TAPBPL: variants seen among roughly 807,000 people sequenced by gnomAD.
TAPBPL encodes tapasin-related protein.
In TAPBPL, 32 loss-of-function variants were observed where a neutral mutation model predicts 44.8. The ratio of observed to expected loss-of-function variants is 0.71; its 90% CI spans 0.54 to 0.96. The LOEUF is 0.96. Among genes scored for constraint, TAPBPL ranks in the 40% least tolerant of loss-of-function variants. The pLI is 0.00. For synonymous variants in TAPBPL, 230 were observed against 240.7 expected (o/e 0.96, Z 0.41); for missense variants, 520 against 586.6 (o/e 0.89, Z 1.17).
At chr12:6,463,367 G>T, downstream of TAPBPL, 1 of 1,094,690 alleles carries the variant, frequency 9.1e-7, no homozygotes, top group Non-Finnish European at 1.1e-6. This position sits in a 1 kb window ranked among gnomAD's most constrained non-coding sequence, Gnocchi z 4.0. Context: ...TCTGCATCCT[G>T]AGGATCGGCC....
At chr12:6,459,577 T>A (rs569911472) in intron 5 of TAPBPL, among the ~76,000 whole-genome samples, 56 of 152,298 alleles carry the variant, frequency 3.7e-4, no homozygotes, top group African/African-American at 1.3e-3. Flanking sequence ...TCAATGAATT[T>A]GCCCAAGGTC....
chr12:6,457,604 T>C lies in TAPBPL; in HGVS notation c.764T>C (p.Leu255Pro), dbSNP rs1335321341. 2 of 1,614,192 alleles carry C rather than the reference T, an allele frequency of 1.2e-6. No individual in the cohort carries two copies. Among genetic ancestry groups the C allele is most frequent in the South Asian group, 1.1e-5 (1 of 91,084 alleles). The part of the protein sequence containing the change: ...QGQAVRKGAT[L>P]EPAQLGMARD... The stretch of plus-strand genomic sequence containing the variant: ...CAGGCTGTGCGGAAGGGCGCTACCC[T>C]GGAGCCTGCACAACTGGGCATGGCC... The change falls in exon 4 of 7, where the codon CTG becomes CCG. Residue 255 changes from leucine (L) to proline (P), a missense_variant. Physicochemically the swap from Leu to Pro is moderately conservative, Grantham distance 98 (BLOSUM62 -3). Coordinates refer to ENST00000266556, the MANE Select transcript of TAPBPL (RefSeq NM_018009.5).
chr12:6,465,049 A>C (rs991059435), downstream of TAPBPL: 16 of 1,533,884 alleles, frequency 1.0e-5, no homozygotes, highest in Non-Finnish European at 1.4e-5. Flanking sequence ...CAATGGAAAA[A>C]ACCACCCATC....
chr12:6,451,802 G>C, upstream of TAPBPL: 1 of 276,670 alleles, frequency 3.6e-6, no homozygotes, highest in Non-Finnish European at 6.9e-6. Context: ...TCTGGCAGAG[G>C]AGGTTTCTCA....
upstream of TAPBPL, chr12:6,451,686 G>C (rs1949551874): frequency 2.8e-6 from 1 of 362,908 alleles, no homozygotes; most frequent in Non-Finnish European, 5.0e-6. Flanking sequence ...GCTACAAGAC[G>C]GGCAAAATAA....
downstream of TAPBPL, chr12:6,470,584 C>A: frequency 6.2e-7 from 1 of 1,612,644 alleles, no homozygotes; most frequent in Non-Finnish European, 8.5e-7. Flanking sequence ...TGCGGCGAGA[C>A]ACCCGGTGAG....
At chr12:6,464,793 C>A, downstream of TAPBPL, 1 of 1,590,174 alleles carries the variant, frequency 6.3e-7, no homozygotes, top group South Asian at 1.1e-5. Context: ...ATACCTCAGT[C>A]AGAGCAGCCC....
chr12:6,452,583 G>A, intron 1 of TAPBPL: 1 of 1,355,272 alleles, frequency 7.4e-7, no homozygotes, highest in Non-Finnish European at 9.5e-7. Flanking sequence ...GCACTGGCCT[G>A]GGAGCTGACA....
chr12:6,470,460 C>G, downstream of TAPBPL: 3 of 1,609,694 alleles, frequency 1.9e-6, no homozygotes, highest in Non-Finnish European at 2.5e-6. Flanking sequence ...ATTTTCCGTC[C>G]CGCAGAATCG....
intron 3 of TAPBPL, among the ~76,000 whole-genome samples, chr12:6,455,019 A>G (rs190294303): frequency 5.9e-5 from 9 of 152,314 alleles, no homozygotes; most frequent in Admixed American, 5.9e-4. Context: ...ATGTCTGTCC[A>G]GTGTCTACCA....
chr12:6,457,345 G>C, intron 3 of TAPBPL, 61 bp from the exon 4 acceptor site: 2 of 1,521,530 alleles, frequency 1.3e-6, no homozygotes, highest in Non-Finnish European at 1.8e-6. Context: ...CCACAGCTTG[G>C]AGATCAGGTG....
downstream of TAPBPL, chr12:6,466,341 C>G: frequency 6.2e-7 from 1 of 1,613,616 alleles, no homozygotes; most frequent in South Asian, 1.1e-5. Context: ...GGTGGCTGAG[C>G]TGGAGCAGAC....
chr12:6,466,142 A>G, downstream of TAPBPL: 1 of 1,611,442 alleles, frequency 6.2e-7, no homozygotes, highest in Non-Finnish European at 8.5e-7. Context: ...TCTCCTACGA[A>G]AAAAGGAGAA....
chr12:6,465,959 C>T, downstream of TAPBPL: 1 of 1,614,278 alleles, frequency 6.2e-7, no homozygotes, highest in South Asian at 1.1e-5. Flanking sequence ...TCTGGTCCCT[C>T]TCCAGGACCT....
chr12:6,461,088 A>T, intron 6 of TAPBPL, 150 bp downstream of exon 6: 1 of 1,459,180 alleles, frequency 6.9e-7, no homozygotes, highest in Non-Finnish European at 9.0e-7. Flanking sequence ...CCCTAAATGA[A>T]AATGAAACCA....
intron 6 of TAPBPL, 125 bp from the exon 7 acceptor site, chr12:6,461,909 G>T: frequency 1.4e-6 from 1 of 720,882 alleles, no homozygotes; most frequent in Non-Finnish European, 2.3e-6. Context: ...CCCTGGGACA[G>T]GACAAGCAGG....
downstream of TAPBPL, among the ~76,000 whole-genome samples, chr12:6,467,931 C>T (rs1457162142): frequency 3.3e-5 from 5 of 152,012 alleles, no homozygotes; most frequent in Non-Finnish European, 7.4e-5. Flanking sequence ...AAGGCAAGAA[C>T]TGAGGTTCGG....
intron 3 of TAPBPL, among the ~76,000 whole-genome samples, chr12:6,456,427 C>T (rs1052640919): frequency 1.3e-5 from 2 of 149,318 alleles, no homozygotes; most frequent in African/African-American, 2.5e-5. Flanking sequence ...TGCAATGGCT[C>T]GATCTTGGCT....
At chr12:6,463,095 A>G (rs1949922838), downstream of TAPBPL, 8 of 1,522,754 alleles carry the variant, frequency 5.3e-6, no homozygotes, top group Non-Finnish European at 7.0e-6. The surrounding 1 kb of genome is among the most constrained non-coding windows in gnomAD (Gnocchi z 4.0). Context: ...AAGCTCAGCA[A>G]TTGCCCCGAA....
Sources: gnomAD v4.1 joint callset for allele counts (sites outside exome capture counted in the v4.1 genomes callset) on GRCh38, gnomAD v4.1.1 for gene constraint, Gnocchi (gnomAD v3.1) non-coding constraint, MANE v1.5 for transcripts, NCBI Gene and HGNC (gene_info 2026-07-23, HGNC 2026-07-21) for gene names.